Variants in LRRTM4 observed in about 807,000 individuals in gnomAD.
The protein encoded by LRRTM4 is leucine rich repeat transmembrane neuronal 4.
In LRRTM4, 25 loss-of-function variants were observed where a neutral mutation model predicts 47.6. The observed-to-expected ratio is 0.53, with a 90% CI of 0.38 to 0.73. LRRTM4 has a LOEUF of 0.73. Ranked by LOEUF, LRRTM4 falls within the 30% of genes least tolerant of loss-of-function variation. The pLI is 0.00. For synonymous variants in LRRTM4, 311 were observed against 269.5 expected (o/e 1.15, Z -1.51); for missense variants, 638 against 713.4 (o/e 0.89, Z 1.20).
intron 3 of LRRTM4, among the ~76,000 whole-genome samples, chr2:76,911,250 A>G (rs1426525670): frequency 6.6e-6 from 1 of 152,236 alleles, no homozygotes; most frequent in Non-Finnish European, 1.5e-5. Flanking sequence ...TGAAGCCAGT[A>G]GAGTAAAAAG....
At chr2:76,997,902 C>T (rs1033746007) in intron 3 of LRRTM4, among the ~76,000 whole-genome samples, 22 of 151,794 alleles carry the variant, frequency 1.4e-4, no homozygotes, top group Non-Finnish European at 2.2e-4. Context: ...TTGTGAACTG[C>T]GCATGTGAGG....
At chr2:77,291,169 A>T (rs538729471) in intron 3 of LRRTM4, among the ~76,000 whole-genome samples, 1 of 152,218 alleles carries the variant, frequency 6.6e-6, no homozygotes, top group East Asian at 1.9e-4. Context: ...AGATGGAAAT[A>T]AACTATAGCT....
At chr2:77,354,347 AT>A (rs1288526977) in intron 3 of LRRTM4, among the ~76,000 whole-genome samples, 1 of 140,620 alleles carries the variant, frequency 7.1e-6, no homozygotes, top group Non-Finnish European at 1.5e-5. Context: ...TGGTTCTTAA[AT>A]TTTAGCATGT....
chr2:77,276,934 C>G (rs547293935), intron 3 of LRRTM4, among the ~76,000 whole-genome samples: 1 of 151,336 alleles, frequency 6.6e-6, no homozygotes, highest in Non-Finnish European at 1.5e-5. Flanking sequence ...GAAAAGAGGG[C>G]AAGGTGTGGG....
intron 3 of LRRTM4, among the ~76,000 whole-genome samples, chr2:77,057,894 G>A (rs1399858520): frequency 2.0e-5 from 3 of 152,126 alleles, no homozygotes; most frequent in Non-Finnish European, 4.4e-5. Context: ...ACTTAGAGGT[G>A]AGAAAACTTA....
chr2:77,013,548 A>G (rs941518512), intron 3 of LRRTM4, among the ~76,000 whole-genome samples: 9 of 151,990 alleles, frequency 5.9e-5, no homozygotes, highest in African/African-American at 2.2e-4. Context: ...ATCTGTATCA[A>G]TGGGGAGATA....
At chr2:76,754,092 C>CT (rs1672944523) in intron 3 of LRRTM4, among the ~76,000 whole-genome samples, 1 of 152,008 alleles carries the variant, frequency 6.6e-6, no homozygotes, top group Non-Finnish European at 1.5e-5. Context: ...AGGATAGTGT[C>CT]TAACTACTCA....
At chr2:77,398,167 C>A (rs566257917) in intron 3 of LRRTM4, among the ~76,000 whole-genome samples, 17 of 151,934 alleles carry the variant, frequency 1.1e-4, no homozygotes, top group Non-Finnish European at 1.8e-4. Flanking sequence ...AAATCATGTT[C>A]TTCTAATTGT....
chr2:77,105,113 C>G (rs1671061350), intron 3 of LRRTM4, among the ~76,000 whole-genome samples: 1 of 151,674 alleles, frequency 6.6e-6, no homozygotes. Flanking sequence ...ATTAAGAGAA[C>G]ATTTAGAAAT....
At chr2:77,015,290 C>G (rs1558798740) in intron 3 of LRRTM4, among the ~76,000 whole-genome samples, 1 of 152,124 alleles carries the variant, frequency 6.6e-6, no homozygotes, top group South Asian at 2.1e-4. Flanking sequence ...CCCATTGGTT[C>G]TGCTTCCCTG....
chr2:77,015,119 G>A (rs1261641162), intron 3 of LRRTM4, among the ~76,000 whole-genome samples: 2 of 152,046 alleles, frequency 1.3e-5, no homozygotes, highest in African/African-American at 2.4e-5. Flanking sequence ...AGGATTGCCT[G>A]ATGAAAAGAT....
At chr2:77,207,063 C>T (rs1027044528) in intron 3 of LRRTM4, among the ~76,000 whole-genome samples, 3 of 150,700 alleles carry the variant, frequency 2.0e-5, no homozygotes, top group Non-Finnish European at 4.4e-5. Flanking sequence ...CTGAAACATT[C>T]CCTCCAAAAT....
chr2:77,051,574 G>A (rs1368692372), intron 3 of LRRTM4, among the ~76,000 whole-genome samples: 1 of 152,136 alleles, frequency 6.6e-6, no homozygotes, highest in Non-Finnish European at 1.5e-5. Flanking sequence ...TGAATCACTA[G>A]CCATGTGTGT....
intron 3 of LRRTM4, among the ~76,000 whole-genome samples, chr2:76,783,681 C>T (rs1286580847): frequency 2.0e-5 from 3 of 152,148 alleles, no homozygotes; most frequent in Non-Finnish European, 4.4e-5. Flanking sequence ...GGGTAAAACT[C>T]AGGTTACTGA....
At chr2:77,086,683 C>G (rs1414835633) in intron 3 of LRRTM4, among the ~76,000 whole-genome samples, 1 of 151,736 alleles carries the variant, frequency 6.6e-6, no homozygotes, top group African/African-American at 2.4e-5. Context: ...TTAGTAGAGA[C>G]GGGGTTTCAC....
chr2:77,266,147 T>C (rs1315961796), intron 3 of LRRTM4, among the ~76,000 whole-genome samples: 1 of 152,178 alleles, frequency 6.6e-6, no homozygotes, highest in East Asian at 1.9e-4. Flanking sequence ...AGAGATCATA[T>C]GGCTCACAAA....
At chr2:77,120,172 A>T (rs1161667248) in intron 3 of LRRTM4, among the ~76,000 whole-genome samples, 1 of 151,840 alleles carries the variant, frequency 6.6e-6, no homozygotes, top group East Asian at 1.9e-4. Flanking sequence ...TGGAAGCTTC[A>T]GTCCAGATTG....
chr2:77,499,661 T>C (rs1333701571), intron 3 of LRRTM4, among the ~76,000 whole-genome samples: 1 of 151,930 alleles, frequency 6.6e-6, no homozygotes, highest in Non-Finnish European at 1.5e-5. Flanking sequence ...CAAAAAAGCT[T>C]ACGACTAAGC....
chr2:76,829,035 C>A (rs1258139578), intron 3 of LRRTM4, among the ~76,000 whole-genome samples: 1 of 151,856 alleles, frequency 6.6e-6, no homozygotes, highest in Admixed American at 6.6e-5. Flanking sequence ...CCCATGTGAC[C>A]AGGGGTATGG....
Sources: allele counts gnomAD v4.1 joint callset (sites outside exome capture counted in the v4.1 genomes callset), GRCh38; gene constraint gnomAD v4.1.1; transcripts MANE v1.5; gene names NCBI Gene and HGNC (gene_info 2026-07-23, HGNC 2026-07-21).